The following EYA3 variants were observed in gnomAD, a reference collection of about 807,000 sequenced individuals.
The protein encoded by EYA3 is EYA transcriptional coactivator and phosphatase 3, also known as protein phosphatase EYA3.
EYA3 carries 39 observed loss-of-function variants against 80.0 expected under a neutral mutation model. That is an observed-to-expected ratio of 0.49 (90% CI 0.38 to 0.64). The LOEUF is 0.64. EYA3 is among the 30% of genes least tolerant of loss of function. The pLI, the probability that EYA3 is intolerant of heterozygous loss-of-function variation, is 0.00. For missense variants in EYA3, 523 were observed against 676.1 expected, an observed-to-expected ratio of 0.77 and a Z score of 2.51; for synonymous variants, 206 against 232.8, an observed-to-expected ratio of 0.88 and a Z score of 1.05.
intron 17 of EYA3, among the ~76,000 whole-genome samples, chr1:27,975,586 C>T (rs1203989639): frequency 2.0e-5 from 3 of 147,584 alleles, no homozygotes; most frequent in South Asian, 2.2e-4. Context: ...CCCGGGTTCA[C>T]GCCATTCTCC....
At chr1:28,043,346 AC>A (rs780449612) in intron 3 of EYA3, among the ~76,000 whole-genome samples, 4,216 of 91,462 alleles carry the variant, frequency 0.046, 98 homozygotes, top group African/African-American at 0.087. Context: ...AAAAAAAAAA[AC>A]GTGAAAACAC....
chr1:28,057,628 T>C (rs1465679464), intron 2 of EYA3, among the ~76,000 whole-genome samples: 1 of 152,158 alleles, frequency 6.6e-6, no homozygotes, highest in Admixed American at 6.5e-5. Context: ...TCACTACTAC[T>C]ACTTTTTAAA....
chr1:28,076,257 T>A (rs1448414846), intron 1 of EYA3, among the ~76,000 whole-genome samples: 2 of 152,244 alleles, frequency 1.3e-5, no homozygotes, highest in Non-Finnish European at 1.5e-5. Flanking sequence ...TCTGGAGGCA[T>A]GACTAACATA....
At chr1:28,088,158 GC>G (rs1229546930) in intron 1 of EYA3, among the ~76,000 whole-genome samples, 1 of 152,150 alleles carries the variant, frequency 6.6e-6, no homozygotes, top group Non-Finnish European at 1.5e-5. Flanking sequence ...GTGAAAGAAC[GC>G]TGAGATCCCA....
chr1:28,033,729 A>G (rs986711684), intron 6 of EYA3, among the ~76,000 whole-genome samples: 1 of 150,680 alleles, frequency 6.6e-6, no homozygotes, highest in Admixed American at 6.6e-5. Flanking sequence ...ATCTCGGCTC[A>G]CTGCAACTTC....
intron 17 of EYA3, among the ~76,000 whole-genome samples, chr1:27,977,666 C>T (rs7523375): frequency 0.068 from 10,281 of 151,676 alleles, 610 homozygotes; most frequent in East Asian, 0.25. Context: ...CTGGCCAATA[C>T]GGGAAACCCC....
intron 16 of EYA3, among the ~76,000 whole-genome samples, chr1:27,986,373 AG>A (rs1639655678): frequency 6.6e-6 from 1 of 151,826 alleles, no homozygotes; most frequent in African/African-American, 2.4e-5. Flanking sequence ...CTCAAAAAAA[AG>A]TAGCATAAAA....
intron 13 of EYA3, among the ~76,000 whole-genome samples, chr1:27,994,916 T>C (rs1640325892): frequency 1.3e-5 from 2 of 151,498 alleles, no homozygotes; most frequent in African/African-American, 2.4e-5. Flanking sequence ...GGAACTATGA[T>C]TGCACCATTG....
intron 11 of EYA3, among the ~76,000 whole-genome samples, chr1:28,003,337 C>T (rs1041204505): frequency 1.3e-5 from 2 of 151,956 alleles, no homozygotes; most frequent in African/African-American, 4.8e-5. Flanking sequence ...GGCATGGTAA[C>T]GGGCACCTGT....
At chr1:28,066,384 T>C (rs1377611219) in intron 1 of EYA3, among the ~76,000 whole-genome samples, 2 of 150,850 alleles carry the variant, frequency 1.3e-5, no homozygotes, top group African/African-American at 4.9e-5. Flanking sequence ...TATTTTACAA[T>C]AAAAAATACA....
intron 1 of EYA3, among the ~76,000 whole-genome samples, chr1:28,070,083 T>C (rs746596334): frequency 2.0e-5 from 3 of 152,188 alleles, no homozygotes; most frequent in Non-Finnish European, 4.4e-5. Context: ...ATTTCTGTTG[T>C]TTTAAGCCTC....
At chr1:27,994,526 A>G (rs935061702) in intron 13 of EYA3, among the ~76,000 whole-genome samples, 2 of 152,110 alleles carry the variant, frequency 1.3e-5, no homozygotes, top group African/African-American at 4.8e-5. Flanking sequence ...GTCTTTACAA[A>G]AAATACAAAA....
At chr1:28,070,036 G>C (rs1221896998) in intron 1 of EYA3, among the ~76,000 whole-genome samples, 1 of 152,200 alleles carries the variant, frequency 6.6e-6, no homozygotes, top group Admixed American at 6.5e-5. Context: ...CCAACACCCT[G>C]ATTTCAGACT....
At chr1:28,003,270 AAACAACAACAACAAC>A (rs139958121) in intron 11 of EYA3, among the ~76,000 whole-genome samples, 74 of 145,818 alleles carry the variant, frequency 5.1e-4, no homozygotes, top group African/African-American at 9.0e-4. Flanking sequence ...ACTCCGTCTC[AAACAACAACAACAAC>A]AACAACAACA....
intron 1 of EYA3, among the ~76,000 whole-genome samples, chr1:28,071,851 A>G (rs547081637): frequency 4.6e-5 from 7 of 152,344 alleles, no homozygotes; most frequent in African/African-American, 1.7e-4. Context: ...GAATGAAACT[A>G]TAAAAGCTCA....
chr1:27,984,208 T>A (rs932999364), intron 16 of EYA3, among the ~76,000 whole-genome samples: 1 of 152,002 alleles, frequency 6.6e-6, no homozygotes, highest in Non-Finnish European at 1.5e-5. Flanking sequence ...GGCTAATTTT[T>A]ATTTTTATTT....
intron 5 of EYA3, 113 bp from the exon 6 acceptor site, chr1:28,035,793 T>G (rs746383034): frequency 8.4e-5 from 86 of 1,026,710 alleles, no homozygotes; most frequent in Non-Finnish European, 1.2e-4. Flanking sequence ...GAGACTAATC[T>G]TCCACATAAA....
Position 28,025,830 on chromosome 1 carries a change from G to A in EYA3, c.499+1959C>T, listed in dbSNP as rs148025105. On this transcript the variant is annotated intron_variant, in intron 7 of 17. Transcript: ENST00000373871. ...GGCTGGAGTACAATGGCACAGTCTC[G>A]GCTCACTGCAACCTCCGCCTCACAG... 7.9e-3 allele frequency among the ~76,000 whole-genome samples: 1,199 copies of A among 152,132 alleles called. 15 individuals carry two copies. Among genetic ancestry groups the A allele is most frequent in the African/African-American group, 0.027 (1,106 of 41,488 alleles).
chr1:28,065,022 T>C (rs909991528), intron 1 of EYA3, among the ~76,000 whole-genome samples: 1 of 152,236 alleles, frequency 6.6e-6, no homozygotes, highest in African/African-American at 2.4e-5. Context: ...TTCCACTGAA[T>C]TGTATACAGT....
Sources: gnomAD v4.1 joint callset for allele counts (sites outside exome capture counted in the v4.1 genomes callset) on GRCh38, gnomAD v4.1.1 for gene constraint, MANE v1.5 for transcripts, NCBI Gene and HGNC (gene_info 2026-07-23, HGNC 2026-07-21) for gene names.